PALLD: variants seen among roughly 807,000 people sequenced by gnomAD.
PALLD encodes the protein palladin, cytoskeletal associated protein, also known as palladin.
PALLD carries 61 observed loss-of-function variants against 123.5 expected under a neutral mutation model. The ratio of observed to expected loss-of-function variants is 0.49; its 90% CI spans 0.40 to 0.61. The LOEUF is 0.61. PALLD is among the 20% of genes least tolerant of loss of function. The pLI is 0.00. For missense variants in PALLD, 1,273 were observed against 1,377.0 expected (o/e 0.92, Z 1.20); for synonymous variants, 465 against 496.4 (o/e 0.94, Z 0.84).
intron 3 of PALLD, among the ~76,000 whole-genome samples, chr4:168,675,245 G>T (rs1004313064): frequency 6.6e-6 from 1 of 152,222 alleles, no homozygotes; most frequent in African/African-American, 2.4e-5. Context: ...GAGGATTGGG[G>T]TCAGGAGGAG....
intron 10 of PALLD, chr4:168,832,284 G>A: frequency 1.3e-6 from 1 of 747,990 alleles, no homozygotes. Flanking sequence ...ACAGGGTGGG[G>A]GCGGGGAGGA....
At chr4:168,643,113 T>C (rs142765198) in intron 2 of PALLD, among the ~76,000 whole-genome samples, 44 of 152,332 alleles carry the variant, frequency 2.9e-4, no homozygotes, top group Middle Eastern at 3.4e-3. Context: ...TATGTAATGA[T>C]ACAAATGTTG....
intron 10 of PALLD, among the ~76,000 whole-genome samples, chr4:168,733,129 C>A (rs1787346067): frequency 6.6e-6 from 1 of 151,964 alleles, no homozygotes; most frequent in Admixed American, 6.6e-5. Flanking sequence ...ACTATTAAGT[C>A]AGGGTAATTG....
At chr4:168,620,803 C>T (rs928211306) in intron 2 of PALLD, among the ~76,000 whole-genome samples, 1 of 152,124 alleles carries the variant, frequency 6.6e-6, no homozygotes, top group African/African-American at 2.4e-5. Flanking sequence ...GGGTCTATAC[C>T]TCAAAATTAA....
chr4:168,771,068 A>AAG (rs1734351959), intron 10 of PALLD, among the ~76,000 whole-genome samples: 1 of 66,494 alleles, frequency 1.5e-5, no homozygotes. Context: ...ATCTCAAAAA[A>AAG]AAAAAAACAA....
chr4:168,627,422 A>G (rs138587355), intron 2 of PALLD, among the ~76,000 whole-genome samples: 53 of 152,272 alleles, frequency 3.5e-4, no homozygotes, highest in African/African-American at 1.1e-3. Flanking sequence ...ATGCAGGAGA[A>G]TCACTTGGAC....
At position 168,924,272 on chromosome 4, in the gene PALLD, C is replaced by A. The variant is rs762353255; in HGVS notation, c.3076C>A (p.Pro1026Thr). 5.6e-6 allele frequency: 9 copies of A among 1,613,740 alleles called. No homozygotes were observed. The highest frequency in any genetic ancestry group is 2.7e-5 in the African/African-American group (2 of 74,868). Residue 1026 changes from proline (P) to threonine (T), a missense_variant, in exon 19 of 22, where the codon CCC becomes ACC. By Grantham distance (38) the Pro-to-Thr change is conservative. Transcript: ENST00000505667. ...LVVAAKEAHK[P>T]PVFIEKLQNT... ...TTTCTTAGCTAAAGAAGCACACAAA[C>A]CCCCTGTGTTTATTGAGAAGCTCCA...
At chr4:168,780,659 G>A (rs577038958) in intron 10 of PALLD, among the ~76,000 whole-genome samples, 1 of 152,242 alleles carries the variant, frequency 6.6e-6, no homozygotes, top group East Asian at 1.9e-4. Context: ...ATGTGCATGT[G>A]CCCGCATGTG....
chr4:168,565,063 C>G (rs1200064613), intron 2 of PALLD, among the ~76,000 whole-genome samples: 3 of 150,678 alleles, frequency 2.0e-5, no homozygotes, highest in Middle Eastern at 3.2e-3. Context: ...CATGGTGGCA[C>G]ATGCCTGTAG....
At chr4:168,601,865 A>G (rs926348056) in intron 2 of PALLD, among the ~76,000 whole-genome samples, 4 of 152,098 alleles carry the variant, frequency 2.6e-5, no homozygotes, top group Non-Finnish European at 5.9e-5. Flanking sequence ...CCTCATCTCT[A>G]CTTTTCTATC....
chr4:168,639,594 A>G (rs1776699773), intron 2 of PALLD, among the ~76,000 whole-genome samples: 1 of 148,016 alleles, frequency 6.8e-6, no homozygotes, highest in African/African-American at 2.5e-5. Flanking sequence ...CCCAGGCTGG[A>G]GTGCAGTGGT....
chr4:168,838,546 G>A (rs1333005350), intron 10 of PALLD, among the ~76,000 whole-genome samples: 1 of 151,996 alleles, frequency 6.6e-6, no homozygotes, highest in Non-Finnish European at 1.5e-5. Flanking sequence ...AATTTAGCTG[G>A]TGAAATGTAC....
At chr4:168,905,790 C>CTTTTTTTTTTTTTTTTTTTTTTT (rs59427697) in intron 15 of PALLD, among the ~76,000 whole-genome samples, 2 of 113,098 alleles carry the variant, frequency 1.8e-5, no homozygotes, top group African/African-American at 3.2e-5. Flanking sequence ...GCTTTTTTTT[C>CTTTTTTTTTTTTTTTTTTTTTTT]TTTTTTTTTT....
chr4:168,530,639 T>A (rs1449944573), intron 2 of PALLD: 1 of 152,238 alleles, frequency 6.6e-6, no homozygotes, highest in African/African-American at 2.4e-5. Context: ...ACTGTCTCTT[T>A]GAGTTCACAT....
intron 10 of PALLD, among the ~76,000 whole-genome samples, chr4:168,757,047 A>T (rs189241747): frequency 3.2e-4 from 49 of 152,346 alleles, no homozygotes; most frequent in Non-Finnish European, 5.4e-4. Context: ...ACCGAGAATA[A>T]TCTTTTGAAT....
chr4:168,862,673 A>G (rs1388905858), intron 10 of PALLD, among the ~76,000 whole-genome samples: 1 of 152,242 alleles, frequency 6.6e-6, no homozygotes, highest in Non-Finnish European at 1.5e-5. Flanking sequence ...TTGTCAGGGT[A>G]AATCTGAACT....
intron 10 of PALLD, among the ~76,000 whole-genome samples, chr4:168,732,740 G>A (rs1217065546): frequency 6.6e-6 from 1 of 152,142 alleles, no homozygotes; most frequent in African/African-American, 2.4e-5. Flanking sequence ...ATGTTGCACT[G>A]ATTTAAAATA....
At chr4:168,899,917 C>CAAA (rs1172762037) in intron 14 of PALLD, among the ~76,000 whole-genome samples, 1 of 109,038 alleles carries the variant, frequency 9.2e-6, no homozygotes, top group African/African-American at 3.5e-5. Flanking sequence ...GACTCCGTCT[C>CAAA]AAAAAAAAAA....
chr4:168,854,123 GT>G (rs1748218935), intron 10 of PALLD, among the ~76,000 whole-genome samples: 1 of 152,138 alleles, frequency 6.6e-6, no homozygotes, highest in African/African-American at 2.4e-5. Context: ...TAAGTGTTCA[GT>G]AAATGTTTGC....
Sources: gnomAD v4.1 joint callset for allele counts (sites outside exome capture counted in the v4.1 genomes callset) on GRCh38, gnomAD v4.1.1 for gene constraint, MANE v1.5 for transcripts, NCBI Gene and HGNC (gene_info 2026-07-23, HGNC 2026-07-21) for gene names.